Variants in FAM3C observed in about 807,000 individuals in gnomAD.
FAM3C encodes protein FAM3C.
Under a neutral mutation model 32.5 loss-of-function variants are expected in FAM3C, and 15 were observed. The observed-to-expected ratio is 0.46, with a 90% CI of 0.31 to 0.71. FAM3C has a LOEUF of 0.71. Among genes scored for constraint, FAM3C ranks in the 30% least tolerant of loss-of-function variants. The probability of loss-of-function intolerance (pLI) is 0.05; values close to 1 mark genes in which losing one functional copy is unlikely to be tolerated. For missense variants in FAM3C, 175 were observed against 274.4 expected, an observed-to-expected ratio of 0.64 and a Z score of 2.56; for synonymous variants, 75 against 86.1, an observed-to-expected ratio of 0.87 and a Z score of 0.72.
intron 5 of FAM3C, among the ~76,000 whole-genome samples, chr7:121,369,111 C>G (rs1295386104): frequency 6.6e-6 from 1 of 151,736 alleles, no homozygotes; most frequent in Non-Finnish European, 1.5e-5. Context: ...TCCCAAGTAG[C>G]TAGGATTACA....
chr7:121,352,748 G>C (rs1793729979), intron 8 of FAM3C, among the ~76,000 whole-genome samples: 1 of 152,162 alleles, frequency 6.6e-6, no homozygotes, highest in South Asian at 2.1e-4. Flanking sequence ...AACCAACTTT[G>C]GTGCTAGAGG....
intron 7 of FAM3C, 187 bp downstream of exon 7, chr7:121,362,707 TAAG>T (rs376470874): frequency 8.8e-5 from 47 of 532,090 alleles, no homozygotes; most frequent in Middle Eastern, 3.8e-4. Flanking sequence ...AATTTTTTTC[TAAG>T]AAGAAGAAAG....
At chr7:121,352,176 T>C (rs1371804242) in intron 8 of FAM3C, among the ~76,000 whole-genome samples, 1 of 152,146 alleles carries the variant, frequency 6.6e-6, no homozygotes, top group Non-Finnish European at 1.5e-5. Context: ...AGCAGGAAAG[T>C]CAGTGAGGAA....
At chr7:121,362,102 G>A (rs1176320235) in intron 7 of FAM3C, among the ~76,000 whole-genome samples, 1 of 152,178 alleles carries the variant, frequency 6.6e-6, no homozygotes, top group Non-Finnish European at 1.5e-5. Flanking sequence ...GAATGGGGAG[G>A]TGCAGGGGAG....
rs75523087 is a variant in FAM3C at position 121,393,626 on chromosome 7, A to G, written c.-42+2536T>C. ...AGCAGGCCAATGAAGAAGAAAAAGA[A>G]TATTAATGGGTACACTGGAAAGACT... On this transcript the variant is annotated intron_variant, in intron 1 of 9. Coordinates refer to ENST00000359943, the MANE Select transcript of FAM3C (RefSeq NM_014888.3). 5.3e-3 allele frequency among the ~76,000 whole-genome samples: 801 copies of G among 152,336 alleles called. 9 individuals are homozygous for G. Among genetic ancestry groups the G allele is most frequent in the African/African-American group, 0.018 (748 of 41,566 alleles).
At chr7:121,394,090 A>C (rs915010557) in intron 1 of FAM3C, among the ~76,000 whole-genome samples, 42 of 152,366 alleles carry the variant, frequency 2.8e-4, no homozygotes, top group African/African-American at 9.9e-4. Context: ...TAGCTTTGTG[A>C]GTGCCCAGGC....
intron 5 of FAM3C, among the ~76,000 whole-genome samples, chr7:121,371,098 C>G (rs113284570): frequency 1.3e-5 from 2 of 152,176 alleles, no homozygotes; most frequent in Non-Finnish European, 2.9e-5. Context: ...ATAAGTGTTA[C>G]GTTCTTAGTC....
chr7:121,387,098 C>A (rs1355271255), intron 1 of FAM3C, among the ~76,000 whole-genome samples: 5 of 152,082 alleles, frequency 3.3e-5, no homozygotes, highest in African/African-American at 4.8e-5. Context: ...CCATAGCCAA[C>A]ATGTGAACGA....
intron 1 of FAM3C, among the ~76,000 whole-genome samples, chr7:121,393,959 ATCT>A (rs1410565238): frequency 6.6e-6 from 1 of 152,232 alleles, no homozygotes; most frequent in African/African-American, 2.4e-5. Flanking sequence ...TCGCACAAAA[ATCT>A]ATCTAGCTCA....
intron 5 of FAM3C, among the ~76,000 whole-genome samples, chr7:121,370,573 T>G (rs1053654857): frequency 6.6e-6 from 1 of 152,196 alleles, no homozygotes; most frequent in Non-Finnish European, 1.5e-5. Flanking sequence ...GATTTGCAAT[T>G]TCAGCAGCAG....
intron 2 of FAM3C, among the ~76,000 whole-genome samples, chr7:121,381,206 A>G (rs1316764401): frequency 1.3e-5 from 2 of 152,142 alleles, no homozygotes; most frequent in Admixed American, 6.5e-5. Context: ...GACTGCACTA[A>G]TATCAGTGTG....
chr7:121,369,331 A>G (rs1020994586), intron 5 of FAM3C, among the ~76,000 whole-genome samples: 2 of 152,022 alleles, frequency 1.3e-5, no homozygotes, highest in Non-Finnish European at 2.9e-5. Flanking sequence ...TGTCACCCCT[A>G]CTAAACTGTA....
chr7:121,395,099 C>G (rs1043623170), intron 1 of FAM3C, among the ~76,000 whole-genome samples: 2 of 152,102 alleles, frequency 1.3e-5, no homozygotes, highest in East Asian at 3.9e-4. Flanking sequence ...CACACGAAAC[C>G]ATTTGGCAGT....
intron 1 of FAM3C, among the ~76,000 whole-genome samples, chr7:121,386,690 C>CAT (rs1200409705): frequency 1.5e-5 from 2 of 130,840 alleles, no homozygotes; most frequent in Non-Finnish European, 3.2e-5. Flanking sequence ...CACACACGCA[C>CAT]ACATATATAT....
chr7:121,387,605 T>C (rs1382152850), intron 1 of FAM3C, among the ~76,000 whole-genome samples: 2 of 152,130 alleles, frequency 1.3e-5, no homozygotes, highest in East Asian at 1.9e-4. Flanking sequence ...GATGAAGCTA[T>C]CCATCTATAG....
chr7:121,365,096 C>T (rs1461765662), intron 5 of FAM3C, among the ~76,000 whole-genome samples: 1 of 152,026 alleles, frequency 6.6e-6, no homozygotes, highest in Non-Finnish European at 1.5e-5. Context: ...TTATAAACTA[C>T]TAAAAGATGT....
intron 8 of FAM3C, among the ~76,000 whole-genome samples, chr7:121,353,115 G>T (rs1191734523): frequency 6.6e-6 from 1 of 152,268 alleles, no homozygotes; most frequent in Non-Finnish European, 1.5e-5. Flanking sequence ...CTGAAATGAT[G>T]AATGTGAAGT....
At chr7:121,380,671 A>G (rs765471855) in intron 2 of FAM3C, among the ~76,000 whole-genome samples, 4 of 151,270 alleles carry the variant, frequency 2.6e-5, no homozygotes, top group Admixed American at 2.0e-4. Flanking sequence ...TTTTACCTAG[A>G]TAACGAACCT....
At chr7:121,376,565 T>C (rs1182959653) in intron 3 of FAM3C, among the ~76,000 whole-genome samples, 2 of 152,202 alleles carry the variant, frequency 1.3e-5, no homozygotes, top group African/African-American at 4.8e-5. Flanking sequence ...CAGCTGAGCA[T>C]CTCTAATCCG....
Sources: allele counts gnomAD v4.1 joint callset (sites outside exome capture counted in the v4.1 genomes callset), GRCh38; gene constraint gnomAD v4.1.1; transcripts MANE v1.5; gene names NCBI Gene and HGNC (gene_info 2026-07-23, HGNC 2026-07-21).